UBR2: variants seen among roughly 807,000 people sequenced by gnomAD.
UBR2 encodes the protein E3 ubiquitin-protein ligase UBR2.
UBR2 carries 92 observed loss-of-function variants against 247.9 expected under a neutral mutation model. The ratio of observed to expected loss-of-function variants is 0.37; its 90% CI spans 0.31 to 0.44. The LOEUF is 0.44. Among genes scored for constraint, UBR2 ranks in the 20% least tolerant of loss-of-function variants. The probability of loss-of-function intolerance (pLI) is 1.00; values close to 1 mark genes in which losing one functional copy is unlikely to be tolerated. For synonymous variants in UBR2, 672 were observed against 693.5 expected, an observed-to-expected ratio of 0.97 and a Z score of 0.49; for missense variants, 1,613 against 2,112.6, an observed-to-expected ratio of 0.76 and a Z score of 4.64.
Position 42,679,709 on chromosome 6 carries a change from G to A in UBR2, c.4610-15G>A. ...TAGTTGTTATATGCACTCTTTTCTT[G>A]TTCTTCATTTGCAGTTCCTGGAACA... On this transcript the variant is annotated splice_polypyrimidine_tract_variant and intron_variant, in intron 41 of 46. Coordinates refer to ENST00000372901, the MANE Select transcript of UBR2 (RefSeq NM_001363705.2). 6.3e-7 allele frequency: 1 copy of A among 1,579,972 alleles called. No homozygotes were observed. Among genetic ancestry groups the A allele is most frequent in the Non-Finnish European group, 8.7e-7 (1 of 1,150,006 alleles).
chr6:42,566,850 A>G (rs1790810177), intron 1 of UBR2, among the ~76,000 whole-genome samples: 1 of 152,140 alleles, frequency 6.6e-6, no homozygotes, highest in Non-Finnish European at 1.5e-5. Context: ...TCCTACCTCA[A>G]AAACCAATAT....
intron 34 of UBR2, among the ~76,000 whole-genome samples, chr6:42,669,145 G>C (rs1274868772): frequency 6.6e-6 from 1 of 150,708 alleles, no homozygotes; most frequent in Non-Finnish European, 1.5e-5. Context: ...GGCTGGTCTC[G>C]AACTCCTGAC....
At chr6:42,614,987 C>T in intron 8 of UBR2, 84 bp from the exon 9 acceptor site, 1 of 1,125,250 alleles carries the variant, frequency 8.9e-7, no homozygotes, top group Non-Finnish European at 1.3e-6. Context: ...TAAAACTCTA[C>T]AGATCCATTT....
chr6:42,608,934 A>G (rs912115881), intron 7 of UBR2, among the ~76,000 whole-genome samples: 2 of 152,174 alleles, frequency 1.3e-5, no homozygotes, highest in African/African-American at 4.8e-5. Flanking sequence ...TGTTTAAGAA[A>G]TTCTTCCTTA....
intron 23 of UBR2, among the ~76,000 whole-genome samples, chr6:42,651,426 T>C (rs1385046649): frequency 6.6e-6 from 1 of 151,794 alleles, no homozygotes; most frequent in Admixed American, 6.6e-5. Context: ...GAGATTCTTT[T>C]AGTTAAAAAA....
chr6:42,664,409 G>C (rs1319160422), intron 32 of UBR2: 1 of 152,222 alleles, frequency 6.6e-6, no homozygotes, highest in East Asian at 1.9e-4. Flanking sequence ...GATAATGTCT[G>C]CTTTTCGAAT....
intron 24 of UBR2, 50 bp from the exon 25 acceptor site, chr6:42,652,441 T>C (rs751370950): frequency 3.9e-6 from 6 of 1,546,746 alleles, no homozygotes; most frequent in Non-Finnish European, 5.2e-6. Flanking sequence ...AGAGATAGTT[T>C]CTAAAGCATG....
chr6:42,658,225 C>T lies in UBR2; in HGVS notation c.2983-15C>T. On this transcript the variant is annotated splice_polypyrimidine_tract_variant and intron_variant, in intron 27 of 46. Coordinates refer to ENST00000372901, the MANE Select transcript of UBR2 (RefSeq NM_001363705.2). ...TCATATTTCATACAGGATACTGATA[C>T]TTTTTTTTTTGTAGACTTTTAATGC... 1 of 1,336,040 alleles carries T rather than the reference C, an allele frequency of 7.5e-7. No individual in the cohort carries two copies. Among genetic ancestry groups the T allele is most frequent in the Non-Finnish European group, 1.0e-6 (1 of 970,038 alleles). 82.8% of individuals were successfully genotyped at this position (1,336,040 alleles called of 1,614,324 possible).
intron 13 of UBR2, 54 bp downstream of exon 13, chr6:42,632,958 C>CTTTTTTTTTTTTTTTTTTTTTTTT (rs34284200): frequency 1.1e-4 from 74 of 647,124 alleles, no homozygotes; most frequent in African/African-American, 3.2e-4. Flanking sequence ...TCTCTTTTCT[C>CTTTTTTTTTTTTTTTTTTTTTTTT]TTTTTTTTTT....
chr6:42,578,157 A>T (rs1392506422), intron 2 of UBR2, among the ~76,000 whole-genome samples: 1 of 152,208 alleles, frequency 6.6e-6, no homozygotes, highest in East Asian at 1.9e-4. Flanking sequence ...ATGTACCAAG[A>T]TATATTTATT....
intron 20 of UBR2, among the ~76,000 whole-genome samples, chr6:42,644,910 T>A (rs2151960974): frequency 6.6e-6 from 1 of 152,298 alleles, no homozygotes; most frequent in East Asian, 1.9e-4. Context: ...GGTACAAAAG[T>A]ATCTTCTTGA....
intron 11 of UBR2, among the ~76,000 whole-genome samples, chr6:42,624,232 C>T (rs1265620463): frequency 3.3e-5 from 5 of 151,882 alleles, no homozygotes; most frequent in Non-Finnish European, 7.4e-5. Flanking sequence ...CCTCAACCTC[C>T]TGTGTGCAAG....
At chr6:42,652,677 T>C in intron 25 of UBR2, 32 bp downstream of exon 25, 2 of 1,563,876 alleles carry the variant, frequency 1.3e-6, no homozygotes, top group Non-Finnish European at 1.7e-6. Context: ...ATTTATATTT[T>C]AGTATTTTAT....
chr6:42,633,181 G>GTTGTTGTTT lies in UBR2; in HGVS notation c.1545+285_1545+286insTTTGTTGTT, dbSNP rs573443077. On this transcript the variant is annotated intron_variant, in intron 13 of 46. Coordinates refer to ENST00000372901, the MANE Select transcript of UBR2 (RefSeq NM_001363705.2). ...CAGCTTCTTTGTTGTTGTTGTTGTT[G>GTTGTTGTTT]TTGTTGTTGTTGTTCATTGAAATGA... is the stretch of plus-strand genomic sequence containing the variant. 1.3e-3 allele frequency among the ~76,000 whole-genome samples: 204 copies of GTTGTTGTTT among 151,456 alleles called. 1 individual carries two copies. Among genetic ancestry groups the GTTGTTGTTT allele is most frequent in the African/African-American group, 4.6e-3 (189 of 41,344 alleles).
intron 3 of UBR2, among the ~76,000 whole-genome samples, chr6:42,592,462 T>C (rs577486723): frequency 6.6e-6 from 1 of 152,300 alleles, no homozygotes; most frequent in South Asian, 2.1e-4. Flanking sequence ...CTCTTCTGTA[T>C]TGGTTTTCAA....
At chr6:42,685,394 A>T (rs1420238483) in intron 44 of UBR2, among the ~76,000 whole-genome samples, 1 of 140,188 alleles carries the variant, frequency 7.1e-6, no homozygotes, top group Non-Finnish European at 1.6e-5. Context: ...TAAGACATGG[A>T]ATGGGAGTAG....
chr6:42,687,981 ATT>A (rs60340732), intron 44 of UBR2, among the ~76,000 whole-genome samples: 2 of 151,768 alleles, frequency 1.3e-5, no homozygotes, highest in African/African-American at 4.8e-5. Context: ...GATTTTATTT[ATT>A]TTTTTTTCTC....
At position 42,615,121 on chromosome 6, in the gene UBR2, G is replaced by A. The variant is rs749545129; in HGVS notation, c.1036G>A (p.Gly346Ser). 1 of 1,613,434 alleles carries A rather than the reference G, an allele frequency of 6.2e-7. No homozygotes were observed. The highest frequency in any genetic ancestry group is 1.7e-5 in the Admixed American group (1 of 59,942). Residue 346 changes from glycine to serine, a missense_variant, in exon 9 of 47, where the codon GGT (glycine) becomes AGT (serine). Gly to Ser is a moderately conservative substitution (Grantham distance 56). Around this residue, in one of 3 missense-constraint regions of UBR2, gnomAD observed 1,524 missense variants for 1,967.3 expected, o/e 0.77. Coordinates refer to ENST00000372901, the MANE Select transcript of UBR2 (RefSeq NM_001363705.2). ...CQVGLQEGPD[G>S]ENSSLVDRLM... ...AGTTGGTTTACAAGAAGGGCCAGAT[G>A]GTGAAAACTCTTCTCTAGTGGACAG...
intron 4 of UBR2, among the ~76,000 whole-genome samples, chr6:42,600,675 G>A (rs1793305803): frequency 6.7e-6 from 1 of 148,464 alleles, no homozygotes; most frequent in Non-Finnish European, 1.5e-5. Flanking sequence ...AATATGGAAT[G>A]TAACACATTT....
Sources: gnomAD v4.1 joint callset for allele counts (sites outside exome capture counted in the v4.1 genomes callset) on GRCh38, gnomAD v4.1.1 for gene constraint, gnomAD v4.1.1 regional missense constraint, MANE v1.5 for transcripts, NCBI Gene and HGNC (gene_info 2026-07-23, HGNC 2026-07-21) for gene names.